Variants in CCND3 observed in about 807,000 individuals in gnomAD.
CCND3 encodes the protein cyclin D3.
In CCND3, 9 loss-of-function variants were observed where a neutral mutation model predicts 28.7. The ratio of observed to expected loss-of-function variants is 0.31; its 90% CI spans 0.19 to 0.55. The LOEUF (loss-of-function observed/expected upper bound fraction) is 0.55. Ranked by LOEUF, CCND3 falls within the 20% of genes least tolerant of loss-of-function variation. The pLI is 0.93. For synonymous variants in CCND3, 164 were observed against 163.9 expected (o/e 1.00, Z 0.00); for missense variants, 315 against 385.8 (o/e 0.82, Z 1.54).
chr6:42,007,338 AT>A (rs1265512403), intron 1 of CCND3, among the ~76,000 whole-genome samples: 3 of 152,224 alleles, frequency 2.0e-5, no homozygotes, highest in Non-Finnish European at 4.4e-5. Context: ...AGCTTGATAG[AT>A]GGGCGGGTGG....
intron 1 of CCND3, among the ~76,000 whole-genome samples, chr6:42,038,662 A>G (rs960867283): frequency 6.6e-6 from 1 of 152,338 alleles, no homozygotes; most frequent in African/African-American, 2.4e-5. Context: ...GTAATACTAT[A>G]GAAAAAGAAT....
chr6:42,031,551 T>G (rs1443348487), intron 1 of CCND3, among the ~76,000 whole-genome samples: 1 of 152,168 alleles, frequency 6.6e-6, no homozygotes. Context: ...TCCAAATACT[T>G]ATGGAAACAC....
intron 1 of CCND3, among the ~76,000 whole-genome samples, chr6:42,041,213 A>G (rs1582193989): frequency 1.3e-5 from 2 of 152,234 alleles, no homozygotes; most frequent in East Asian, 3.8e-4. Context: ...AGGACCACCC[A>G]GGAGGCACCC....
intron 1 of CCND3, among the ~76,000 whole-genome samples, chr6:42,020,261 G>A (rs912874967): frequency 7.9e-5 from 12 of 152,034 alleles, no homozygotes; most frequent in Non-Finnish European, 1.6e-4. Context: ...CAGCCTGGGC[G>A]GCAGAGCGAG....
chr6:42,036,400 TA>T (rs1272812280), intron 1 of CCND3, among the ~76,000 whole-genome samples: 4,519 of 42,394 alleles, frequency 0.11, 374 homozygotes, highest in Non-Finnish European at 0.14. Context: ...TATATATATA[TA>T]TATTTTTTTT....
At chr6:41,984,563 G>A (rs1762431472) in intron 1 of CCND3, among the ~76,000 whole-genome samples, 1 of 152,074 alleles carries the variant, frequency 6.6e-6, no homozygotes, top group Non-Finnish European at 1.5e-5. Flanking sequence ...GGCCAGGCTG[G>A]TCTCGAACTC....
intron 1 of CCND3, among the ~76,000 whole-genome samples, chr6:41,968,959 C>A (rs769744883): frequency 2.0e-5 from 3 of 151,966 alleles, no homozygotes; most frequent in Non-Finnish European, 2.9e-5. Context: ...GGGTGCCCAG[C>A]TAATTTTTGT....
chr6:41,955,772 T>C (rs980151877), intron 1 of CCND3, among the ~76,000 whole-genome samples: 5 of 151,682 alleles, frequency 3.3e-5, no homozygotes, highest in African/African-American at 9.7e-5. Flanking sequence ...TAAGACCCTG[T>C]CTCTACAAAA....
upstream of CCND3, among the ~76,000 whole-genome samples, chr6:41,944,978 C>T (rs1040043793): frequency 6.6e-6 from 1 of 152,176 alleles, no homozygotes; most frequent in Non-Finnish European, 1.5e-5. Context: ...ACCTCCACCT[C>T]AAAGAAATAG....
chr6:42,034,438 G>A (rs1186616716), intron 1 of CCND3, among the ~76,000 whole-genome samples: 2 of 146,238 alleles, frequency 1.4e-5, no homozygotes, highest in African/African-American at 2.5e-5. Flanking sequence ...TTACAGGCGT[G>A]AGCCACCGTG....
At chr6:41,982,881 C>CAAAAAAAAAA (rs56117421) in intron 1 of CCND3, among the ~76,000 whole-genome samples, 1 of 94,428 alleles carries the variant, frequency 1.1e-5, no homozygotes, top group Non-Finnish European at 2.2e-5. Context: ...CATCCACATG[C>CAAAAAAAAAA]AAAAAAAAAA....
intron 1 of CCND3, among the ~76,000 whole-genome samples, chr6:42,012,480 T>C (rs1763371669): frequency 6.6e-6 from 1 of 151,440 alleles, no homozygotes; most frequent in East Asian, 1.9e-4. Context: ...GTATGTGCTG[T>C]AATCCCAGCT....
intron 1 of CCND3, among the ~76,000 whole-genome samples, chr6:42,031,793 CAT>C (rs1764051244): frequency 6.7e-6 from 1 of 148,700 alleles, no homozygotes; most frequent in Non-Finnish European, 1.5e-5. Context: ...CATGTTACCA[CAT>C]ATATTTTGCA....
chr6:42,031,005 G>C (rs1764026100), intron 1 of CCND3, among the ~76,000 whole-genome samples: 1 of 152,194 alleles, frequency 6.6e-6, no homozygotes, highest in East Asian at 1.9e-4. Flanking sequence ...TCATTCTCCT[G>C]GGGGCACAGC....
chr6:41,945,758 G>C (rs925571667), upstream of CCND3, among the ~76,000 whole-genome samples: 1 of 152,156 alleles, frequency 6.6e-6, no homozygotes, highest in African/African-American at 2.4e-5. Context: ...GAACCTCTCT[G>C]CTTCCTCTTT....
chr6:41,985,535 G>T (rs1243042220), intron 1 of CCND3, among the ~76,000 whole-genome samples: 1 of 151,704 alleles, frequency 6.6e-6, no homozygotes, highest in African/African-American at 2.4e-5. Context: ...GGCTGGTCTC[G>T]GACTCCTGAC....
chr6:41,941,651 C>G lies in CCND3; in HGVS notation c.-2G>C. 2.1e-6 allele frequency: 3 copies of G among 1,439,058 alleles called. No individual in the cohort carries two copies. The highest frequency in any genetic ancestry group is 2.7e-6 in the Non-Finnish European group (3 of 1,096,108). The allele number at this position is 1,439,058 out of a possible 1,614,324, so 89.1% of individuals were successfully genotyped here. Reference sequence around the variant, plus strand: ...GCCTTCGCAACACAGCAGCTCCATACTCGGGCAGCGAACAGGCAGGGCGGG... The same window carrying G: ...GCCTTCGCAACACAGCAGCTCCATAGTCGGGCAGCGAACAGGCAGGGCGGG... On this transcript the variant is annotated 5_prime_UTR_variant, in exon 1 of 5. Transcript: ENST00000372991. This position sits in a 1 kb window ranked among gnomAD's most constrained non-coding sequence, Gnocchi z 6.1.
chr6:41,969,126 G>C (rs1761966178), intron 1 of CCND3, among the ~76,000 whole-genome samples: 1 of 151,992 alleles, frequency 6.6e-6, no homozygotes, highest in South Asian at 2.1e-4. Flanking sequence ...CGGCTCCCCA[G>C]ATTACATAAG....
intron 1 of CCND3, among the ~76,000 whole-genome samples, chr6:42,003,675 A>G (rs188948064): frequency 1.3e-5 from 2 of 152,054 alleles, no homozygotes; most frequent in African/African-American, 4.8e-5. Flanking sequence ...ATTGTGGTTC[A>G]GGCCTGTAAT....
Sources: allele counts gnomAD v4.1 joint callset (sites outside exome capture counted in the v4.1 genomes callset), GRCh38; gene constraint gnomAD v4.1.1; non-coding constraint Gnocchi (gnomAD v3.1); transcripts MANE v1.5; gene names NCBI Gene and HGNC (gene_info 2026-07-23, HGNC 2026-07-21).